The following MTSS1 variants were observed in gnomAD, a reference collection of about 807,000 sequenced individuals.
MTSS1 encodes the protein protein MTSS 1.
In MTSS1, 18 loss-of-function variants were observed where a neutral mutation model predicts 79.0. The observed-to-expected ratio is 0.23, with a 90% CI of 0.16 to 0.34. MTSS1 has a LOEUF of 0.34. Ranked by LOEUF, MTSS1 falls within the 10% of genes least tolerant of loss-of-function variation. The probability of loss-of-function intolerance (pLI) is 1.00; values close to 1 mark genes in which losing one functional copy is unlikely to be tolerated. For synonymous variants in MTSS1, 341 were observed against 368.6 expected (o/e 0.93, Z 0.86); for missense variants, 815 against 986.2 (o/e 0.83, Z 2.33).
intron 3 of MTSS1, among the ~76,000 whole-genome samples, chr8:124,657,209 T>C (rs1821114360): frequency 6.6e-6 from 1 of 152,156 alleles, no homozygotes; most frequent in Non-Finnish European, 1.5e-5. Flanking sequence ...GGTGAAATAC[T>C]AAATGCCTGC....
intron 6 of MTSS1, among the ~76,000 whole-genome samples, chr8:124,583,599 T>C (rs1389446115): frequency 6.6e-6 from 1 of 152,180 alleles, no homozygotes; most frequent in Non-Finnish European, 1.5e-5. Flanking sequence ...CTCTGAAAAC[T>C]GAGTGGTGGA....
chr8:124,606,166 TTTTTG>T (rs1325848433), intron 3 of MTSS1, among the ~76,000 whole-genome samples: 2 of 103,868 alleles, frequency 1.9e-5, no homozygotes, highest in African/African-American at 6.2e-5. Flanking sequence ...TGTGTTTGGT[TTTTTG>T]TTTTTTTTTT....
At chr8:124,643,482 G>A (rs1818432436) in intron 3 of MTSS1, among the ~76,000 whole-genome samples, 1 of 152,066 alleles carries the variant, frequency 6.6e-6, no homozygotes, top group African/African-American at 2.4e-5. Flanking sequence ...CAGATCACCT[G>A]AGGTCAGGAG....
chr8:124,690,181 G>C (rs183570785), intron 3 of MTSS1, among the ~76,000 whole-genome samples: 31 of 152,226 alleles, frequency 2.0e-4, no homozygotes, highest in African/African-American at 7.5e-4. Context: ...CACCACCATC[G>C]CATAATTCAC....
At chr8:124,565,307 G>C (rs1280180382) in intron 9 of MTSS1, among the ~76,000 whole-genome samples, 19 of 152,196 alleles carry the variant, frequency 1.2e-4, no homozygotes, top group Admixed American at 1.2e-3. Flanking sequence ...AGTGAGATCA[G>C]CCTGTGTAAA....
At chr8:124,571,322 C>A (rs887019853) in intron 6 of MTSS1, among the ~76,000 whole-genome samples, 2 of 152,160 alleles carry the variant, frequency 1.3e-5, no homozygotes, top group African/African-American at 4.8e-5. Flanking sequence ...CTGGCTAGTG[C>A]AAAATTAATC....
chr8:124,658,810 A>G (rs566825859), intron 3 of MTSS1, among the ~76,000 whole-genome samples: 1 of 152,246 alleles, frequency 6.6e-6, no homozygotes, highest in East Asian at 1.9e-4. Context: ...CCCCATCTCC[A>G]ACACTGGGGA....
chr8:124,677,437 C>T (rs986463462), intron 3 of MTSS1, among the ~76,000 whole-genome samples: 12 of 152,232 alleles, frequency 7.9e-5, no homozygotes, highest in African/African-American at 2.7e-4. Context: ...AAAGTAACCA[C>T]AGACAAAACC....
intron 3 of MTSS1, among the ~76,000 whole-genome samples, chr8:124,591,850 G>A (rs935118309): frequency 2.8e-4 from 43 of 152,008 alleles, no homozygotes; most frequent in African/African-American, 1.0e-3. Flanking sequence ...GTGCAATCAA[G>A]GCTCACTGCA....
At chr8:124,588,169 T>C (rs7010757) in intron 5 of MTSS1, among the ~76,000 whole-genome samples, 41,918 of 152,034 alleles carry the variant, frequency 0.28, 6,835 homozygotes, top group Middle Eastern at 0.4. Context: ...GCTGGGGACA[T>C]AGAATGATTT....
intron 1 of MTSS1, among the ~76,000 whole-genome samples, chr8:124,710,899 A>G (rs1831068017): frequency 6.6e-6 from 1 of 152,176 alleles, no homozygotes; most frequent in African/African-American, 2.4e-5. Flanking sequence ...AATTCAGTTC[A>G]GGGGAGAATC....
At chr8:124,720,220 C>G (rs1400338944) in intron 1 of MTSS1, among the ~76,000 whole-genome samples, 3 of 152,170 alleles carry the variant, frequency 2.0e-5, no homozygotes, top group Admixed American at 6.5e-5. Context: ...GTCAAGGAAG[C>G]CTGGGAGTCC....
At chr8:124,686,284 C>T (rs978401921) in intron 3 of MTSS1, among the ~76,000 whole-genome samples, 1 of 152,080 alleles carries the variant, frequency 6.6e-6, no homozygotes. Context: ...GGAACTCAAG[C>T]GCTCTGTTCA....
intron 3 of MTSS1, among the ~76,000 whole-genome samples, chr8:124,639,425 T>C (rs1388528521): frequency 2.6e-5 from 4 of 152,210 alleles, no homozygotes; most frequent in Non-Finnish European, 5.9e-5. Flanking sequence ...GCTATAAGAA[T>C]ATATTCTATT....
chr8:124,627,202 G>C (rs1243117193), intron 3 of MTSS1, among the ~76,000 whole-genome samples: 2 of 152,108 alleles, frequency 1.3e-5, no homozygotes, highest in Non-Finnish European at 2.9e-5. Flanking sequence ...GGCCCTCTGA[G>C]CTATCTAAAA....
At chr8:124,579,463 A>G (rs1363845973) in intron 6 of MTSS1, among the ~76,000 whole-genome samples, 1 of 152,194 alleles carries the variant, frequency 6.6e-6, no homozygotes, top group Non-Finnish European at 1.5e-5. Context: ...AACACCATGA[A>G]TGTACTAAAA....
intron 3 of MTSS1, among the ~76,000 whole-genome samples, chr8:124,693,188 G>T (rs186472190): frequency 6.6e-6 from 1 of 152,266 alleles, no homozygotes; most frequent in Admixed American, 6.5e-5. Context: ...AGGGATCAAG[G>T]GTTTTAAGGG....
rs538622689 is a variant in MTSS1, at chr8:124,557,528, A to G, written c.1230+153T>C. Among the ~76,000 whole-genome samples the G allele has an allele frequency of 6.6e-5, 10 of 152,146 alleles. No homozygotes were observed. The South Asian group carries it at 2.1e-3, about 32-fold the overall frequency. On this transcript the variant is annotated intron_variant, in intron 11 of 13. Transcript: ENST00000518547. Reference sequence around the variant, plus strand: ...GCCGGCTGCTTTCTGCTTCTCCCCCAATGGGAGTTTCCTGAGGGAGAGGCA... The same window carrying G: ...GCCGGCTGCTTTCTGCTTCTCCCCCGATGGGAGTTTCCTGAGGGAGAGGCA...
At chr8:124,628,280 G>A (rs747682030) in intron 3 of MTSS1, among the ~76,000 whole-genome samples, 4 of 152,158 alleles carry the variant, frequency 2.6e-5, no homozygotes, top group East Asian at 3.8e-4. Context: ...CCCAGGCTGC[G>A]AGTCTGAGCT....
Sources: allele counts gnomAD v4.1 joint callset (sites outside exome capture counted in the v4.1 genomes callset), GRCh38; gene constraint gnomAD v4.1.1; transcripts MANE v1.5; gene names NCBI Gene and HGNC (gene_info 2026-07-23, HGNC 2026-07-21).